Variants in ODC1 observed in about 807,000 individuals in gnomAD.
ODC1 encodes the protein ornithine decarboxylase 1, also known as ornithine decarboxylase.
ODC1 carries 18 observed loss-of-function variants against 41.5 expected under a neutral mutation model. The ratio of observed to expected loss-of-function variants is 0.43; its 90% confidence interval spans 0.30 to 0.64. ODC1 has a LOEUF of 0.64. Ranked by LOEUF, ODC1 falls within the 30% of genes least tolerant of loss-of-function variation. The pLI is 0.11. For missense variants in ODC1, 504 were observed against 589.0 expected, an observed-to-expected ratio of 0.86 and a Z score of 1.49; for synonymous variants, 218 against 211.6, an observed-to-expected ratio of 1.03 and a Z score of -0.26.
chr2:10,446,328 T>C (rs1399548861), intron 1 of ODC1, among the ~76,000 whole-genome samples: 1 of 152,168 alleles, frequency 6.6e-6, no homozygotes, highest in African/African-American at 2.4e-5. Context: ...TTAGTGGAGA[T>C]GGCGTTTCTC....
In ODC1 at chr2:10,441,922, ATCT is replaced by A. The variant is rs1671835988; in HGVS notation, c.918_920del (p.Glu306del). 6.2e-7 allele frequency: 1 copy of A among 1,613,986 alleles called. No individual in the cohort carries two copies. The highest frequency in any genetic ancestry group is 8.5e-7 in the Non-Finnish European group (1 of 1,179,992). ...ACATAAAGGTCTGCTCACTCGACTC[ATCT>A]TCGTCTAGAAAGGCAGATCAACAAT... On this transcript the variant is annotated inframe_deletion, in exon 10 of 12. Transcript: ENST00000234111.
chr2:10,440,911 C>G, intron 11 of ODC1, 43 bp from the exon 12 acceptor site: 1 of 1,608,966 alleles, frequency 6.2e-7, no homozygotes, highest in Non-Finnish European at 8.5e-7. Context: ...TGACTCACTC[C>G]TAACTGGGCA....
chr2:10,443,912 C>T, intron 5 of ODC1, 76 bp from the exon 6 acceptor site: 1 of 1,584,574 alleles, frequency 6.3e-7, no homozygotes, highest in South Asian at 1.1e-5. Context: ...AAAAACAATC[C>T]TGTTCTAAAT....
rs753895303 is a variant in ODC1, at chr2:10,440,828, C to T, written c.1282G>A (p.Glu428Lys). The T allele has an allele frequency of 8.1e-6, 13 of 1,613,918 alleles. No individual in the cohort carries two copies. Among genetic ancestry groups the T allele is most frequent in the Non-Finnish European group, 5.9e-6 (7 of 1,180,018 alleles). ...GTGCTGGCATCCTGTTCCTCTACTT[C>T]GGGTGGGAAGTCGGGGTTCTGGAAT... ...QQFQNPDFPP[E>K]VEEQDASTLP... is the part of the protein sequence containing the mutation. Residue 428 changes from glutamate to lysine, a missense_variant, in exon 12 of 12, where the codon GAA becomes AAA. Around this residue, in one of 3 missense-constraint regions of ODC1, gnomAD observed 447 missense variants for 524.4 expected, o/e 0.85. Coordinates refer to ENST00000234111, the MANE Select transcript of ODC1 (RefSeq NM_002539.3).
intron 5 of ODC1, 106 bp from the exon 6 acceptor site, chr2:10,443,942 G>A: frequency 1.3e-6 from 2 of 1,511,870 alleles, no homozygotes; most frequent in Non-Finnish European, 1.8e-6. Context: ...GATATATTCT[G>A]TAGTTTGAGT....
intron 1 of ODC1, chr2:10,447,708 G>A (rs1672073375): frequency 6.6e-6 from 1 of 152,324 alleles, no homozygotes; most frequent in African/African-American, 2.4e-5. Context: ...AAGGCGCCAA[G>A]GCCGGGGCCC....
intron 8 of ODC1, 92 bp downstream of exon 8, chr2:10,443,138 G>C: frequency 1.1e-6 from 1 of 924,456 alleles, no homozygotes; most frequent in Non-Finnish European, 1.7e-6. Flanking sequence ...TCAGCCCATT[G>C]TGGTATTAGT....
At position 10,442,717 on chromosome 2, in the gene ODC1, C is replaced by CT. The variant is rs200858806; in HGVS notation, c.750+512dup. ...GGAAGCCCACAGCAACATGCTTTTT[C>CT]TTTTTTTTTTTTGAGACAGGGTCTC... On this transcript the variant is annotated intron_variant, in intron 8 of 11. Transcript: ENST00000234111. Among the ~76,000 whole-genome samples, 345 of 145,782 alleles carry CT rather than the reference C, an allele frequency of 2.4e-3. 1 individual carries two copies. The highest frequency in any genetic ancestry group is 6.9e-3 in the Middle Eastern group (2 of 288).
intron 5 of ODC1, 118 bp from the exon 6 acceptor site, chr2:10,443,954 C>T: frequency 6.8e-7 from 1 of 1,480,996 alleles, no homozygotes; most frequent in Non-Finnish European, 9.2e-7. Flanking sequence ...AGTTTGAGTC[C>T]CAGGCTTCAT....
At position 10,443,801 on chromosome 2, in the gene ODC1, G is replaced by C. The variant is rs1671919821; in HGVS notation, c.485C>G (p.Ala162Gly). The change falls in exon 6 of 12, where the codon GCA (alanine) becomes GGA (glycine). Residue 162 changes from alanine (A) to glycine (G), a missense_variant. Physicochemically the swap from Ala to Gly is moderately conservative, Grantham distance 60 (BLOSUM62 0). Transcript: ENST00000234111. ...VLRIATDDSKAVCRLSVKFGA... is the reference protein window; with the variant it reads ...VLRIATDDSKGVCRLSVKFGA... ...GAATTTCACACTGAGACGACAGACTGCTTTGGAATCATCAGTGGCAATCCG... is the reference window on the plus strand; with the variant it reads ...GAATTTCACACTGAGACGACAGACTCCTTTGGAATCATCAGTGGCAATCCG... 6.2e-7 allele frequency: 1 copy of C among 1,614,070 alleles called. No individual in the cohort carries two copies. Among genetic ancestry groups the C allele is most frequent in the Non-Finnish European group, 8.5e-7 (1 of 1,180,030 alleles).
At position 10,441,729 on chromosome 2, in the gene ODC1, T is replaced by TA. The variant is rs751890529; in HGVS notation, c.1027-7dup. On this transcript the variant is annotated splice_polypyrimidine_tract_variant and splice_region_variant and intron_variant, in intron 10 of 11. Coordinates refer to ENST00000234111, the MANE Select transcript of ODC1 (RefSeq NM_002539.3). ...TTCTCATCTGGTTTAGGTCTCTATA[T>TA]AAAGAGACGGAGAGAGGAAGTACTA... 6.2e-7 allele frequency: 1 copy of TA among 1,613,854 alleles called. No homozygotes were observed. Among genetic ancestry groups the TA allele is most frequent in the Middle Eastern group, 1.6e-4 (1 of 6,084 alleles).
chr2:10,446,817 G>A, intron 1 of ODC1: 2 of 346,286 alleles, frequency 5.8e-6, no homozygotes, highest in Non-Finnish European at 1.1e-5. Context: ...ACAGGCCCAG[G>A]GTGACGGGCC....
At chr2:10,443,086 G>A in intron 8 of ODC1, 144 bp downstream of exon 8, 2 of 678,432 alleles carry the variant, frequency 2.9e-6, no homozygotes, top group Non-Finnish European at 5.2e-6. Context: ...TGTAATGTCA[G>A]ACAGCACAAA....
Position 10,444,571 on chromosome 2 carries a change from G to C in ODC1, c.179C>G (p.Pro60Arg). 1 of 1,614,096 alleles carries C rather than the reference G, an allele frequency of 6.2e-7. No individual in the cohort carries two copies. The highest frequency in any genetic ancestry group is 8.5e-7 in the Non-Finnish European group (1 of 1,179,982). ...GACTGCATAAAAGGGGGTGACACGA[G>C]GGAGAGCTTTTAACCACCTCAGATG... ...KKHLRWLKALPRVTPFYAVKC... is the reference protein window; with the variant it reads ...KKHLRWLKALRRVTPFYAVKC... Residue 60 changes from proline (P) to arginine (R), a missense_variant, in exon 4 of 12, where the codon CCT (proline) becomes CGT (arginine). Physicochemically the swap from Pro to Arg is moderately radical, Grantham distance 103. Coordinates refer to ENST00000234111, the MANE Select transcript of ODC1 (RefSeq NM_002539.3).
chr2:10,447,492 G>A (rs1401821889), intron 1 of ODC1: 2 of 152,240 alleles, frequency 1.3e-5, no homozygotes, highest in East Asian at 3.8e-4. Context: ...TGTCTCCCCT[G>A]TGTATGTCCG....
chr2:10,443,367 G>A, intron 7 of ODC1, 54 bp from the exon 8 acceptor site: 1 of 1,568,262 alleles, frequency 6.4e-7, no homozygotes, highest in Admixed American at 1.8e-5. Flanking sequence ...AAAAATGTAT[G>A]CAGCAGATAG....
At position 10,444,586 on chromosome 2, in the gene ODC1, C is replaced by T; in HGVS notation, c.164G>A (p.Trp55Ter). The change falls in exon 4 of 12, where the codon TGG becomes TAG. Residue 55 changes from tryptophan (W) to a stop codon, truncating the protein, a stop_gained. Coordinates refer to ENST00000234111, the MANE Select transcript of ODC1 (RefSeq NM_002539.3). LOFTEE classifies it high-confidence loss of function. ...LGDILKKHLRWLKALPRVTPF... is the reference protein window; with the variant it reads ...LGDILKKHLR ...GGTGACACGAGGGAGAGCTTTTAAC[C>T]ACCTCAGATGTTTCTTTAGAATGTC... 6.2e-7 allele frequency: 1 copy of T among 1,614,070 alleles called. No individual in the cohort carries two copies. The highest frequency in any genetic ancestry group is 8.5e-7 in the Non-Finnish European group (1 of 1,179,996).
chr2:10,444,469 C>T lies in ODC1; in HGVS notation c.276+5G>A. 1.2e-6 allele frequency: 2 copies of T among 1,604,304 alleles called. No homozygotes were observed. Among genetic ancestry groups the T allele is most frequent in the South Asian group, 1.1e-5 (1 of 89,828 alleles). On this transcript the variant is annotated splice_donor_5th_base_variant and intron_variant, in intron 4 of 11. Coordinates refer to ENST00000234111, the MANE Select transcript of ODC1 (RefSeq NM_002539.3). ...ACGCTTTTGAGGCCTGCTGCTATCG[C>T]TTACCTTGCTAGCACAGTCAAATCC... is the stretch of plus-strand genomic sequence containing the variant.
chr2:10,444,111 C>A lies in ODC1; in HGVS notation c.433G>T (p.Ala145Ser). The change falls in exon 5 of 12, where the codon GCA becomes TCA. Residue 145 changes from alanine (A) to serine (S), a missense_variant. By Grantham distance (99) the Ala-to-Ser change is moderately conservative. Coordinates refer to ENST00000234111, the MANE Select transcript of ODC1 (RefSeq NM_002539.3). The part of the protein sequence containing the change: ...SEVELMKVAR[A>S]HPKAKLVLRI... ...ATAACTCACTTTGCTTTGGGATGTG[C>A]TCTGGCAACTTTCATCAACTCAACT... The A allele has an allele frequency of 6.2e-7, 1 of 1,602,778 alleles. No homozygotes were observed. Among genetic ancestry groups the A allele is most frequent in the South Asian group, 1.1e-5 (1 of 88,646 alleles).
Sources: allele counts gnomAD v4.1 joint callset (sites outside exome capture counted in the v4.1 genomes callset), GRCh38; gene constraint gnomAD v4.1.1; regional missense constraint gnomAD v4.1.1; transcripts MANE v1.5; gene names NCBI Gene and HGNC (gene_info 2026-07-23, HGNC 2026-07-21).